Variants in PPFIBP2 observed in about 807,000 individuals in gnomAD.
PPFIBP2 encodes PPFIB scaffold protein 2.
Under a neutral mutation model 118.3 loss-of-function variants are expected in PPFIBP2, and 118 were observed. That is an observed-to-expected ratio of 1.00 (90% CI 0.86 to 1.16). The LOEUF (loss-of-function observed/expected upper bound fraction) is 1.16. Ranked by LOEUF, PPFIBP2 falls within the 50% of genes most tolerant of loss-of-function variation. The pLI is 0.00. For synonymous variants in PPFIBP2, 414 were observed against 397.4 expected, an observed-to-expected ratio of 1.04 and a Z score of -0.50; for missense variants, 1,195 against 1,073.1, an observed-to-expected ratio of 1.11 and a Z score of -1.59.
chr11:7,609,662 C>T (rs1847826315), intron 5 of PPFIBP2, among the ~76,000 whole-genome samples: 1 of 152,172 alleles, frequency 6.6e-6, no homozygotes, highest in South Asian at 2.1e-4. Context: ...CCTGGTCTGT[C>T]TTCACAATTG....
chr11:7,664,784 G>A, the PPFIBP2 span, among the ~76,000 whole-genome samples: 2 of 152,164 alleles, frequency 1.3e-5, no homozygotes, highest in African/African-American at 2.4e-5. Context: ...TGAACAGGGG[G>A]ATGGGTGAGG....
At chr11:7,606,948 TC>T (rs1407008470) in intron 5 of PPFIBP2, among the ~76,000 whole-genome samples, 15 of 122,126 alleles carry the variant, frequency 1.2e-4, no homozygotes, top group Non-Finnish European at 3.2e-5. Flanking sequence ...TCTCACTGTG[TC>T]GCCCAGGCTG....
In PPFIBP2 at chr11:7,616,120, A is replaced by C. The variant is rs994626301; in HGVS notation, c.619-4815A>C. Reference sequence around the variant, plus strand: ...AAACTAAAGGACAATGCTGAGGACAACACAAAGCCATACACACACATACAC... The same window carrying C: ...AAACTAAAGGACAATGCTGAGGACACCACAAAGCCATACACACACATACAC... On this transcript the variant is annotated intron_variant, in intron 6 of 23. Coordinates refer to ENST00000299492, the MANE Select transcript of PPFIBP2 (RefSeq NM_003621.5). This position sits in a 1 kb window ranked among gnomAD's most constrained non-coding sequence, Gnocchi z 5.2. 3.3e-5 allele frequency among the ~76,000 whole-genome samples: 5 copies of C among 152,172 alleles called. No individual in the cohort carries two copies. Among genetic ancestry groups the C allele is most frequent in the Non-Finnish European group, 7.3e-5 (5 of 68,028 alleles).
chr11:7,657,904 T>C (rs1363545875), downstream of PPFIBP2, among the ~76,000 whole-genome samples: 2 of 152,204 alleles, frequency 1.3e-5, no homozygotes, highest in African/African-American at 4.8e-5. Context: ...CTGCACTGGC[T>C]CCTGTAGACA....
intron 3 of PPFIBP2, chr11:7,577,320 C>CGTGTGTGTGCGTGTGTGTGT (rs777893863): frequency 1.4e-5 from 3 of 219,716 alleles, no homozygotes; most frequent in African/African-American, 2.9e-5. Flanking sequence ...CATGTATGTG[C>CGTGTGTGTGCGTGTGTGTGT]GTGTGTGTGT....
At chr11:7,565,790 T>G in intron 3 of PPFIBP2, 23 bp downstream of exon 3, 3 of 1,610,302 alleles carry the variant, frequency 1.9e-6, no homozygotes, top group Non-Finnish European at 2.5e-6. Flanking sequence ...GTGGCCTGAT[T>G]GGGAACCACT....
At chr11:7,528,617 TC>T (rs1192613961) in intron 1 of PPFIBP2, among the ~76,000 whole-genome samples, 1 of 151,890 alleles carries the variant, frequency 6.6e-6, no homozygotes, top group Non-Finnish European at 1.5e-5. Context: ...AGGGTAAGAG[TC>T]AGAGAAATGT....
chr11:7,626,420 C>A (rs544188523), intron 8 of PPFIBP2, among the ~76,000 whole-genome samples: 5 of 152,196 alleles, frequency 3.3e-5, no homozygotes, highest in Admixed American at 2.6e-4. Context: ...TAGGTGCTCC[C>A]AGTCCTATTA....
At chr11:7,552,917 A>G (rs1208974035) in intron 2 of PPFIBP2, among the ~76,000 whole-genome samples, 3 of 152,072 alleles carry the variant, frequency 2.0e-5, no homozygotes, top group Admixed American at 2.0e-4. Context: ...GACCTATCAC[A>G]TTCATATTTG....
intron 2 of PPFIBP2, among the ~76,000 whole-genome samples, chr11:7,556,593 G>A (rs7122082): frequency 0.52 from 78,554 of 152,096 alleles, 23,205 homozygotes; most frequent in African/African-American, 0.82. Context: ...TTGTTTAACA[G>A]TTTTAACAAC....
At chr11:7,547,690 T>C (rs1852476648) in intron 1 of PPFIBP2, among the ~76,000 whole-genome samples, 2 of 152,278 alleles carry the variant, frequency 1.3e-5, no homozygotes, top group African/African-American at 4.8e-5. Context: ...CAGCCTTTTC[T>C]GGCTCCTGCC....
At chr11:7,663,064 A>C in the PPFIBP2 span, among the ~76,000 whole-genome samples, 1 of 132,332 alleles carries the variant, frequency 7.6e-6, no homozygotes, top group Admixed American at 7.8e-5. Context: ...TTTTTTTCAA[A>C]GTTTTCAACT....
chr11:7,646,612 C>A (rs751997473), intron 17 of PPFIBP2, among the ~76,000 whole-genome samples: 1 of 152,184 alleles, frequency 6.6e-6, no homozygotes, highest in East Asian at 1.9e-4. Context: ...GTAGTCCCAG[C>A]TACTTGGGAG....
At chr11:7,626,465 A>G (rs948364523) in intron 8 of PPFIBP2, among the ~76,000 whole-genome samples, 1 of 152,168 alleles carries the variant, frequency 6.6e-6, no homozygotes, top group African/African-American at 2.4e-5. Context: ...TTTCCTGCCT[A>G]GCACTTATTA....
chr11:7,563,033 A>G (rs1165454228), intron 2 of PPFIBP2, among the ~76,000 whole-genome samples: 1 of 150,006 alleles, frequency 6.7e-6, no homozygotes, highest in South Asian at 2.1e-4. Flanking sequence ...GTACTCACAT[A>G]CATGTACACA....
chr11:7,653,831 T>C (rs1854426724), downstream of PPFIBP2: 6 of 1,176,110 alleles, frequency 5.1e-6, no homozygotes, highest in Non-Finnish European at 5.4e-6. Context: ...GTCCTACGGA[T>C]TGCAGAGCTG....
intron 10 of PPFIBP2, among the ~76,000 whole-genome samples, 157 bp from the exon 11 acceptor site, chr11:7,630,768 T>C (rs1850646555): frequency 2.0e-5 from 3 of 152,270 alleles, no homozygotes; most frequent in Non-Finnish European, 4.4e-5. Flanking sequence ...CTTGCTCAGA[T>C]GCCCTGAAGA....
chr11:7,657,058 C>A (rs973115443), downstream of PPFIBP2: 2 of 305,334 alleles, frequency 6.6e-6, no homozygotes, highest in Non-Finnish European at 1.3e-5. Flanking sequence ...GGACTGCAGA[C>A]CACTTTGTGG....
Position 7,647,776 on chromosome 11 carries a change from T to G in PPFIBP2, c.1647-611T>G, listed in dbSNP as rs140510693. On this transcript the variant is annotated intron_variant, in intron 17 of 23. Coordinates refer to ENST00000299492, the MANE Select transcript of PPFIBP2 (RefSeq NM_003621.5). The stretch of plus-strand genomic sequence containing the variant: ...TATTTCTGCCTAATAGCTATACTTC[T>G]TGTTCTTATTTATCTCTAATACTGG... Among the ~76,000 whole-genome samples the G allele has an allele frequency of 6.4e-3, 976 of 152,378 alleles. 19 individuals are homozygous for G. Among genetic ancestry groups the G allele is most frequent in the African/African-American group, 0.022 (924 of 41,594 alleles).
Sources: allele counts gnomAD v4.1 joint callset (sites outside exome capture counted in the v4.1 genomes callset), GRCh38; gene constraint gnomAD v4.1.1; non-coding constraint Gnocchi (gnomAD v3.1); transcripts MANE v1.5; gene names NCBI Gene and HGNC (gene_info 2026-07-23, HGNC 2026-07-21).